The following CNIH3 variants were observed in gnomAD, a reference collection of about 807,000 sequenced individuals.
The protein encoded by CNIH3 is protein cornichon homolog 3.
CNIH3 carries 14 observed loss-of-function variants against 24.1 expected under a neutral mutation model. The observed-to-expected ratio is 0.58, with a 90% CI of 0.38 to 0.91. The LOEUF (loss-of-function observed/expected upper bound fraction) is 0.91, where lower values mean the gene tolerates loss of function less well. Ranked by LOEUF, CNIH3 falls within the 40% of genes least tolerant of loss-of-function variation. The probability of loss-of-function intolerance (pLI) is 0.00; values close to 1 mark genes in which losing one functional copy is unlikely to be tolerated. For synonymous variants in CNIH3, 68 were observed against 73.8 expected (o/e 0.92, Z 0.40); for missense variants, 178 against 196.8 (o/e 0.90, Z 0.57).
intron 2 of CNIH3, among the ~76,000 whole-genome samples, chr1:224,535,815 C>T (rs1205731633): frequency 1.3e-5 from 2 of 152,208 alleles, no homozygotes; most frequent in South Asian, 2.1e-4. Context: ...GGGCAAGGGC[C>T]TATTCCCAGA....
At chr1:224,460,949 G>A (rs1053131376) in intron 1 of CNIH3, among the ~76,000 whole-genome samples, 1 of 149,354 alleles carries the variant, frequency 6.7e-6, no homozygotes, top group Non-Finnish European at 1.5e-5. Context: ...CCAGCCAGTT[G>A]TTTTTATTAT....
At chr1:224,626,383 A>G (rs931107229) in intron 1 of CNIH3, among the ~76,000 whole-genome samples, 1 of 152,224 alleles carries the variant, frequency 6.6e-6, no homozygotes, top group Non-Finnish European at 1.5e-5. Flanking sequence ...CTGGTTTCTG[A>G]ATACAAATCC....
Position 224,604,423 on chromosome 1 carries a change from TAATGCC to T in CNIH3, n.402+38160_402+38165del, listed in dbSNP as rs1256234880. Among the ~76,000 whole-genome samples the T allele has an allele frequency of 1.3e-5, 2 of 152,160 alleles. No individual in the cohort carries two copies. The highest frequency in any genetic ancestry group is 4.8e-5 in the African/African-American group (2 of 41,424). ...ACGGGGAGGGGTGGGAGAGAAGAGA[TAATGCC>T]TTTGCCAACAGTCAGAGGGAAGTGA... On this transcript the variant is annotated intron_variant and non_coding_transcript_variant, in intron 3 of 7. Coordinates refer to the CNIH3 transcript ENST00000478120. The surrounding 1 kb of genome is among the most constrained non-coding windows in gnomAD (Gnocchi z 4.4).
chr1:224,726,617 G>A (rs945202927), intron 3 of CNIH3, among the ~76,000 whole-genome samples: 1 of 152,126 alleles, frequency 6.6e-6, no homozygotes, highest in Admixed American at 6.5e-5. Context: ...TCCACTTCTA[G>A]GATGCCGACC....
intron 1 of CNIH3, among the ~76,000 whole-genome samples, chr1:224,505,028 C>CCCTCCCTT (rs1489550350): frequency 2.0e-5 from 1 of 49,912 alleles, no homozygotes; most frequent in South Asian, 7.9e-4. Flanking sequence ...CTCCCTCCCT[C>CCCTCCCTT]CCTCCCTTCC....
chr1:224,668,888 G>A (rs1403247259), intron 1 of CNIH3, among the ~76,000 whole-genome samples: 1 of 151,648 alleles, frequency 6.6e-6, no homozygotes. Flanking sequence ...ATGTAGTGCT[G>A]GTGGGCTGGC....
intron 1 of CNIH3, among the ~76,000 whole-genome samples, chr1:224,632,595 G>A (rs181776597): frequency 6.6e-6 from 1 of 152,056 alleles, no homozygotes; most frequent in African/African-American, 2.4e-5. Flanking sequence ...CCACTGGGAC[G>A]CAATATGTGA....
intron 3 of CNIH3, among the ~76,000 whole-genome samples, chr1:224,715,537 A>T (rs1417386913): frequency 3.9e-5 from 6 of 152,206 alleles, no homozygotes; most frequent in African/African-American, 9.7e-5. Flanking sequence ...ACTATCAAGG[A>T]ATACCTGAAG....
At chr1:224,438,222 CT>C (rs774066856) in intron 1 of CNIH3, among the ~76,000 whole-genome samples, 532 of 142,764 alleles carry the variant, frequency 3.7e-3, no homozygotes, top group Non-Finnish European at 3.9e-3. Flanking sequence ...CCATGCTGGC[CT>C]TTTTTTTTTT....
At chr1:224,513,593 G>A (rs1036695283), upstream of CNIH3, 3 of 152,220 alleles carry the variant, frequency 2.0e-5, no homozygotes, top group African/African-American at 4.8e-5. Flanking sequence ...TGGAGGACAC[G>A]GGGAACCATT....
Position 224,504,809 on chromosome 1 carries a change from T to G in CNIH3, n.204-10932T>G, listed in dbSNP as rs557607015. ...TTTTCTTATCTGGGAAATGGGACATTGCAATAGCTATCTCATCAGGCTGTT... is the reference window on the plus strand; with the variant it reads ...TTTTCTTATCTGGGAAATGGGACATGGCAATAGCTATCTCATCAGGCTGTT... On this transcript the variant is annotated intron_variant and non_coding_transcript_variant, in intron 1 of 5. Transcript: ENST00000471578. Among the ~76,000 whole-genome samples, 14 of 152,280 alleles carry G rather than the reference T, an allele frequency of 9.2e-5. No homozygotes were observed. In the South Asian group the frequency reaches 2.9e-3, roughly 32 times the overall value.
chr1:224,594,868 A>T (rs890802667), intron 3 of CNIH3, among the ~76,000 whole-genome samples: 1 of 152,238 alleles, frequency 6.6e-6, no homozygotes, highest in Non-Finnish European at 1.5e-5. Context: ...TATAAGATAA[A>T]CATCAAAATA....
intron 4 of CNIH3, among the ~76,000 whole-genome samples, chr1:224,579,060 C>CTTTTTTTTTTT (rs1558178714): frequency 6.8e-6 from 1 of 147,728 alleles, no homozygotes; most frequent in Non-Finnish European, 1.5e-5. Context: ...GATCATGTTT[C>CTTTTTTTTTTT]TTTTTTCTTT....
intron 1 of CNIH3, among the ~76,000 whole-genome samples, chr1:224,450,908 T>C (rs1675369548): frequency 6.6e-6 from 1 of 152,266 alleles, no homozygotes; most frequent in South Asian, 2.1e-4. Flanking sequence ...ACAGTTAATA[T>C]AACCACAAGA....
In CNIH3 at chr1:224,604,631, C is replaced by A. The variant is rs541636475; in HGVS notation, n.402+38367C>A. Among the ~76,000 whole-genome samples the A allele has an allele frequency of 6.6e-6, 1 of 152,266 alleles. No homozygotes were observed. Among genetic ancestry groups the A allele is most frequent in the Non-Finnish European group, 1.5e-5 (1 of 68,022 alleles). On this transcript the variant is annotated intron_variant and non_coding_transcript_variant, in intron 3 of 7. Transcript: ENST00000478120. The surrounding 1 kb of genome is among the most constrained non-coding windows in gnomAD (Gnocchi z 4.4). ...CCCAGACTGTTTAGCTAGAGGAGAG[C>A]AGAAGGCCAGAGGTGAAAGGAACAA...
At chr1:224,507,861 T>A (rs1677982305) in intron 1 of CNIH3, among the ~76,000 whole-genome samples, 1 of 152,242 alleles carries the variant, frequency 6.6e-6, no homozygotes, top group Non-Finnish European at 1.5e-5. Flanking sequence ...TGAAGATGAA[T>A]AAGACTTAGT....
chr1:224,616,460 C>T lies in CNIH3; in HGVS notation c.-715C>T. 6.1e-6 allele frequency: 6 copies of T among 988,434 alleles called. No homozygotes were observed. Among genetic ancestry groups the T allele is most frequent in the Non-Finnish European group, 7.2e-6 (6 of 831,334 alleles). 61.2% of individuals were successfully genotyped at this position (988,434 alleles called of 1,614,324 possible). ...GGAGCCAGTGCTCGCCCCGGTCCGA[C>T]CCCCGGTTTCCGGGACACTTGGGTT... On this transcript the variant is annotated 5_prime_UTR_variant, in exon 1 of 6. Transcript: ENST00000272133.
intron 3 of CNIH3, among the ~76,000 whole-genome samples, chr1:224,695,357 AACACACAC>A (rs56245587): frequency 0.11 from 16,243 of 145,372 alleles, 989 homozygotes; most frequent in South Asian, 0.23. Flanking sequence ...TCTCTTTCTA[AACACACAC>A]ACACACACAC....
intron 1 of CNIH3, among the ~76,000 whole-genome samples, chr1:224,632,502 C>G (rs1477099178): frequency 6.6e-6 from 1 of 151,972 alleles, no homozygotes; most frequent in Non-Finnish European, 1.5e-5. Context: ...CTTGAAAGTC[C>G]TTGTCCAATG....
Sources: allele counts gnomAD v4.1 joint callset (sites outside exome capture counted in the v4.1 genomes callset), GRCh38; gene constraint gnomAD v4.1.1; non-coding constraint Gnocchi (gnomAD v3.1); transcripts MANE v1.5; gene names NCBI Gene and HGNC (gene_info 2026-07-23, HGNC 2026-07-21).